ATP11C: variants seen among roughly 807,000 people sequenced by gnomAD.
The protein encoded by ATP11C is phospholipid-transporting ATPase IG.
Under a neutral mutation model 97.4 loss-of-function variants are expected in ATP11C, and 36 were observed. The ratio of observed to expected loss-of-function variants is 0.37; its 90% CI spans 0.28 to 0.49. The LOEUF (loss-of-function observed/expected upper bound fraction) is 0.49. Among genes scored for constraint, ATP11C ranks in the 20% least tolerant of loss-of-function variants. The probability of loss-of-function intolerance (pLI) is 0.98; values close to 1 mark genes in which losing one functional copy is unlikely to be tolerated. For missense variants in ATP11C, 730 were observed against 824.6 expected (o/e 0.89, Z 1.40); for synonymous variants, 275 against 290.9 (o/e 0.95, Z 0.56).
At chrX:139,931,991 G>A (rs761548067) in intron 1 of ATP11C, 25 bp downstream of exon 1, 30 of 1,155,548 alleles carry the variant, frequency 2.6e-5, no homozygotes, top group Non-Finnish European at 3.5e-5. Flanking sequence ...ACCGGCACGC[G>A]CGGAGCCGCA....
Position 139,762,137 on chromosome X carries a change from T to C in ATP11C, c.2495-31A>G, listed in dbSNP as rs187564534. ...AGAGAGTATCTCTATATGGTGAGCA[T>C]TTTCTAGAATAAATGACTCCCTGAT... On this transcript the variant is annotated intron_variant, in intron 21 of 29. Coordinates refer to ENST00000682941, the MANE Select transcript of ATP11C (RefSeq NM_001353812.2). 2.0e-4 allele frequency: 214 copies of C among 1,063,539 alleles called. No homozygotes were observed. In the African/African-American group the frequency reaches 3.7e-3, roughly 18 times the overall value. The allele number at this position is 1,063,539 out of a possible 1,213,427, so 87.6% of individuals were successfully genotyped here.
At position 139,849,414 on chromosome X, in the gene ATP11C, C is replaced by T. The variant is rs774747936; in HGVS notation, c.28-22591G>A. 6.3e-5 allele frequency among the ~76,000 whole-genome samples: 7 copies of T among 111,681 alleles called. 1 individual carries two copies. The South Asian group carries it at 2.7e-3, about 42-fold the overall frequency. ...TATTTCTAGCCTCTTCTCCCCTTCC[C>T]TCTATAGGCCCAATGTAAAGTGGTA... On this transcript the variant is annotated intron_variant, in intron 1 of 29. Transcript: ENST00000682941.
chrX:139,876,002 A>G (rs952326604), intron 1 of ATP11C, among the ~76,000 whole-genome samples: 3 of 111,933 alleles, frequency 2.7e-5, no homozygotes, highest in Non-Finnish European at 5.6e-5. Flanking sequence ...AGCCTTATAC[A>G]TTTTATCTGA....
chrX:139,897,462 C>T (rs1346759751), intron 1 of ATP11C, among the ~76,000 whole-genome samples: 4 of 109,383 alleles, frequency 3.7e-5, no homozygotes, highest in African/African-American at 3.3e-5. Context: ...GGCGGGCGGA[C>T]AGCTTGAGGC....
intron 23 of ATP11C, among the ~76,000 whole-genome samples, chrX:139,750,543 T>A (rs889965543): frequency 9.8e-5 from 11 of 112,113 alleles, no homozygotes; most frequent in African/African-American, 3.6e-4. Context: ...GCAGCCAGCC[T>A]GTGTCACAAA....
At chrX:139,764,631 A>T (rs1183778540) in intron 20 of ATP11C, among the ~76,000 whole-genome samples, 5 of 113,070 alleles carry the variant, frequency 4.4e-5, no homozygotes, top group African/African-American at 1.6e-4. Flanking sequence ...AGTTAACATA[A>T]ATAAAATCCA....
chrX:139,737,788 G>A, intron 28 of ATP11C, 128 bp downstream of exon 28: 1 of 707,291 alleles, frequency 1.4e-6, no homozygotes. Flanking sequence ...AGGAAATTAA[G>A]TGATGAACCT....
Position 139,912,995 on chromosome X carries a change from G to T in ATP11C, c.27+19021C>A, listed in dbSNP as rs187082527. ...TCAGCCTTAGGTTGAATCACTGGCT[G>T]TAATAAACATGGCACCCAATTCAGC... On this transcript the variant is annotated intron_variant, in intron 1 of 29. Transcript: ENST00000682941. 3.5e-4 allele frequency among the ~76,000 whole-genome samples: 39 copies of T among 111,828 alleles called. No homozygotes were observed. The East Asian group carries it at 8.7e-3, about 25-fold the overall frequency.
At chrX:139,773,824 T>C (rs966773729) in intron 19 of ATP11C, among the ~76,000 whole-genome samples, 5 of 112,287 alleles carry the variant, frequency 4.5e-5, no homozygotes, top group Non-Finnish European at 9.4e-5. Context: ...AGAGACTTTC[T>C]GAACTTCTTC....
intron 1 of ATP11C, among the ~76,000 whole-genome samples, chrX:139,850,231 T>G (rs1369640758): frequency 1.8e-5 from 2 of 110,880 alleles, no homozygotes; most frequent in East Asian, 5.7e-4. Flanking sequence ...AATGGAGTAT[T>G]AAGGATGATT....
chrX:139,843,904 C>T (rs1362926197), intron 1 of ATP11C, among the ~76,000 whole-genome samples: 6 of 99,803 alleles, frequency 6.0e-5, no homozygotes, highest in Non-Finnish European at 9.7e-5. Context: ...CTAGTTGCTT[C>T]TGACAAAGAA....
In ATP11C at chrX:139,728,818, G is replaced by C; in HGVS notation, c.*148C>G. ...TAATGAACATTTATTGTGAACTCTA[G>C]ACATGAGAGTGGTTTAGTGTGTTGC... is the stretch of plus-strand genomic sequence containing the variant. On this transcript the variant is annotated 3_prime_UTR_variant, in exon 30 of 30. Transcript: ENST00000682941. 1 of 688,334 alleles carries C rather than the reference G, an allele frequency of 1.5e-6. No homozygotes were observed. The highest frequency in any genetic ancestry group is 2.3e-6 in the Non-Finnish European group (1 of 444,187). 56.7% of individuals were successfully genotyped at this position (688,334 alleles called of 1,213,427 possible).
At chrX:139,914,910 T>A (rs1475745904) in intron 1 of ATP11C, among the ~76,000 whole-genome samples, 1 of 111,749 alleles carries the variant, frequency 8.9e-6, no homozygotes, top group Non-Finnish European at 1.9e-5. Context: ...CTCTGGAGAA[T>A]CCTAATAACC....
chrX:139,917,828 C>T lies in ATP11C; in HGVS notation c.27+14188G>A, dbSNP rs550918656. Among the ~76,000 whole-genome samples the T allele has an allele frequency of 3.3e-4, 36 of 109,504 alleles. No homozygotes were observed. The South Asian group carries it at 0.014, about 44-fold the overall frequency. ...AAAATTAGCTGGGCATGGTGGTACA[C>T]GCCTGTAATTCCAGCTATTCGGGAG... On this transcript the variant is annotated intron_variant, in intron 1 of 29. Transcript: ENST00000682941.
At chrX:139,806,326 T>G (rs773332679) in intron 5 of ATP11C, among the ~76,000 whole-genome samples, 29 of 111,410 alleles carry the variant, frequency 2.6e-4, no homozygotes, top group South Asian at 7.6e-4. Flanking sequence ...TATTTACCAT[T>G]TTAAAAGCCA....
chrX:139,930,452 C>A (rs1455767652), intron 1 of ATP11C, among the ~76,000 whole-genome samples: 2 of 111,041 alleles, frequency 1.8e-5, no homozygotes, highest in Non-Finnish European at 3.8e-5. Flanking sequence ...AAGAGTGCCA[C>A]GTGAAAAGAT....
intron 5 of ATP11C, among the ~76,000 whole-genome samples, chrX:139,810,969 T>C (rs1380355495): frequency 9.1e-6 from 1 of 109,581 alleles, no homozygotes; most frequent in Admixed American, 9.8e-5. Flanking sequence ...TAAGCTAAAC[T>C]ATAAAACTTC....
chrX:139,910,852 AAAG>A (rs2085062390), intron 1 of ATP11C, among the ~76,000 whole-genome samples: 1 of 111,217 alleles, frequency 9.0e-6, no homozygotes, highest in Non-Finnish European at 1.9e-5. Context: ...AAAAAATAAA[AAAG>A]AACACTGCAT....
rs7066091 is a variant in ATP11C at position 139,891,676 on chromosome X, T to A, written c.27+40340A>T. 5.6e-3 allele frequency among the ~76,000 whole-genome samples: 623 copies of A among 111,426 alleles called. 11 individuals carry two copies. The highest frequency in any genetic ancestry group is 0.019 in the African/African-American group (571 of 30,648). ...AACTGTGCAGACACTAAGGAATGAG[T>A]GAATAAATAAATGAATGCATTGATG... On this transcript the variant is annotated intron_variant, in intron 1 of 29. Transcript: ENST00000682941.
Sources: gnomAD v4.1 joint callset for allele counts (sites outside exome capture counted in the v4.1 genomes callset) on GRCh38, gnomAD v4.1.1 for gene constraint, MANE v1.5 for transcripts, NCBI Gene and HGNC (gene_info 2026-07-23, HGNC 2026-07-21) for gene names.